Variants in RAD51D observed in about 807,000 individuals in gnomAD.
RAD51D encodes DNA repair protein RAD51 homolog 4.
A neutral mutation model predicts 44.1 loss-of-function variants in RAD51D; 38 were observed. That is an observed-to-expected ratio of 0.86 (90% confidence interval 0.67 to 1.13). The LOEUF (loss-of-function observed/expected upper bound fraction) is 1.13, where lower values mean the gene tolerates loss of function less well. Ranked by LOEUF, RAD51D falls within the 50% of genes most tolerant of loss-of-function variation. The pLI is 0.00. For synonymous variants in RAD51D, 141 were observed against 166.6 expected (o/e 0.85, Z 1.18); for missense variants, 390 against 414.0 (o/e 0.94, Z 0.50).
At position 35,099,501 on chromosome 17, in the gene RAD51D, T is replaced by A. The variant is rs1338149873; in HGVS notation, c.*1452A>T. Reference sequence around the variant, plus strand: ...ACCCATGGTATAAAGATACTGAAGATTAATTTCTCCTGAGGTCTTCTGTGA... The same window carrying A: ...ACCCATGGTATAAAGATACTGAAGAATAATTTCTCCTGAGGTCTTCTGTGA... On this transcript the variant is annotated 3_prime_UTR_variant, in exon 10 of 10. Coordinates refer to ENST00000345365, the MANE Select transcript of RAD51D (RefSeq NM_002878.4). 1 of 251,334 alleles carries A rather than the reference T, an allele frequency of 4.0e-6. No individual in the cohort carries two copies. Among genetic ancestry groups the A allele is most frequent in the East Asian group, 9.1e-5 (1 of 10,978 alleles). The allele number at this position is 251,334 out of a possible 1,614,324, so 15.6% of individuals were successfully genotyped here.
At position 35,100,810 on chromosome 17, in the gene RAD51D, A is replaced by G; in HGVS notation, c.*143T>C. 1.3e-6 allele frequency: 1 copy of G among 749,336 alleles called. No homozygotes were observed. The highest frequency in any genetic ancestry group is 2.4e-6 in the Non-Finnish European group (1 of 417,288). The allele number at this position is 749,336 out of a possible 1,614,324, so 46.4% of individuals were successfully genotyped here. Reference sequence around the variant, plus strand: ...TTATATGCTTACAGAGAGTGAGGCCAAGGAACCCAAGATGTCTCTTCTGGC... The same window carrying G: ...TTATATGCTTACAGAGAGTGAGGCCGAGGAACCCAAGATGTCTCTTCTGGC... On this transcript the variant is annotated 3_prime_UTR_variant, in exon 10 of 10. Transcript: ENST00000345365.
intron 3 of RAD51D, among the ~76,000 whole-genome samples, chr17:35,114,029 T>C (rs1409714531): frequency 6.6e-6 from 1 of 152,014 alleles, no homozygotes; most frequent in Admixed American, 6.6e-5. Context: ...TCCTAGCACT[T>C]TGGGAGGCCG....
intron 3 of RAD51D, among the ~76,000 whole-genome samples, chr17:35,109,838 T>C (rs1038627789): frequency 6.6e-6 from 1 of 152,174 alleles, no homozygotes; most frequent in African/African-American, 2.4e-5. Context: ...TGGCTAATTT[T>C]GTATTTTTAG....
Position 35,106,123 on chromosome 17 carries a change from C to T in RAD51D, c.576+263G>A, listed in dbSNP as rs568912083. 79 of 629,466 alleles carry T rather than the reference C, an allele frequency of 1.3e-4. No homozygotes were observed. The Middle Eastern group carries it at 2.9e-3, about 23-fold the overall frequency. The allele number at this position is 629,466 out of a possible 1,614,324, so 39.0% of individuals were successfully genotyped here. A position where few individuals can be genotyped will look rare whatever the true frequency, so the allele number is the denominator to read the frequency against. ...TACTTGCAGCTAAAAGTATTCCTCA[C>T]TCACCTAGTGGGGAATGCAGACATA... On this transcript the variant is annotated intron_variant, in intron 6 of 9. Coordinates refer to ENST00000345365, the MANE Select transcript of RAD51D (RefSeq NM_002878.4).
chr17:35,107,309 G>A lies in RAD51D; in HGVS notation c.345+57C>T, dbSNP rs2091618910. The stretch of plus-strand genomic sequence containing the variant: ...GCTGAAGCTCCCCCAGGGACCCTGG[G>A]CTATGCATCTACCACCCTCACCCCT... On this transcript the variant is annotated intron_variant, in intron 4 of 9. Coordinates refer to ENST00000345365, the MANE Select transcript of RAD51D (RefSeq NM_002878.4). 6 of 1,493,356 alleles carry A rather than the reference G, an allele frequency of 4.0e-6. No individual in the cohort carries two copies. In the South Asian group the frequency reaches 5.6e-5, roughly 14 times the overall value. 92.5% of individuals were successfully genotyped at this position (1,493,356 alleles called of 1,614,324 possible). A position where few individuals can be genotyped will look rare whatever the true frequency, so the allele number is the denominator to read the frequency against.
chr17:35,108,496 T>TAAA lies in RAD51D; in HGVS notation c.264-1050_264-1049insTTT, dbSNP rs1567729412. 2.2e-4 allele frequency among the ~76,000 whole-genome samples: 27 copies of TAAA among 125,522 alleles called. No individual in the cohort carries two copies. In the South Asian group the frequency reaches 5.2e-3, roughly 24 times the overall value. 82.3% of individuals were successfully genotyped at this position (125,522 alleles called of 152,430 possible). ...GCAACATAGCAAGACCCTTTTCTCT[T>TAAA]TAAAAAAAAAAAAAAAAAAAAAAAA... On this transcript the variant is annotated intron_variant, in intron 3 of 9. Coordinates refer to ENST00000345365, the MANE Select transcript of RAD51D (RefSeq NM_002878.4).
Position 35,100,814 on chromosome 17 carries a change from A to T in RAD51D, c.*139T>A. 1 of 757,576 alleles carries T rather than the reference A, an allele frequency of 1.3e-6. No individual in the cohort carries two copies. The highest frequency in any genetic ancestry group is 2.4e-6 in the Non-Finnish European group (1 of 422,888). The allele number at this position is 757,576 out of a possible 1,614,324, so 46.9% of individuals were successfully genotyped here. On this transcript the variant is annotated 3_prime_UTR_variant, in exon 10 of 10. Transcript: ENST00000345365. ...ATGCTTACAGAGAGTGAGGCCAAGG[A>T]ACCCAAGATGTCTCTTCTGGCCAGC...
At chr17:35,108,926 G>A (rs2091643465) in intron 3 of RAD51D, among the ~76,000 whole-genome samples, 1 of 148,048 alleles carries the variant, frequency 6.8e-6, no homozygotes, top group African/African-American at 2.5e-5. Flanking sequence ...GAGTGCAGTG[G>A]TGCAATCTCA....
chr17:35,108,505 A>AAAG (rs2091637738), intron 3 of RAD51D, among the ~76,000 whole-genome samples: 1 of 149,518 alleles, frequency 6.7e-6, no homozygotes, highest in African/African-American at 2.4e-5. Context: ...TTTAAAAAAA[A>AAAG]AAAAAAAAAA....
rs758124349 is a variant in RAD51D, at chr17:35,119,607, C to T, written c.7G>A (p.Val3Met). 15 of 1,611,316 alleles carry T rather than the reference C, an allele frequency of 9.3e-6. No individual in the cohort carries two copies. The South Asian group carries it at 1.3e-4, about 14-fold the overall frequency. Reference sequence around the variant, plus strand: ...CCAGGGCACAGTCCGACCCTGAGCACGCCCATGTTCCCCGCAGGCCGGAAC... The same window carrying T: ...CCAGGGCACAGTCCGACCCTGAGCATGCCCATGTTCCCCGCAGGCCGGAAC... MG[V>M]LRVGLCPGLT... The change falls in exon 1 of 10, where the codon GTG becomes ATG. Residue 3 changes from valine (V) to methionine (M), a missense_variant. By Grantham distance (21) the Val-to-Met change is conservative. Coordinates refer to ENST00000345365, the MANE Select transcript of RAD51D (RefSeq NM_002878.4).
In RAD51D at chr17:35,098,892, G is replaced by A. The variant is rs1271000321; in HGVS notation, c.*2061C>T. ...AGGGTCTTGCTCTGTTACCCAGGCT[G>A]GGGTGTAGTGGTGCGATCAGGGCTC... On this transcript the variant is annotated 3_prime_UTR_variant, in exon 10 of 10. Coordinates refer to ENST00000345365, the MANE Select transcript of RAD51D (RefSeq NM_002878.4). The A allele has an allele frequency of 6.6e-6, 1 of 152,126 alleles. No individual in the cohort carries two copies. Among genetic ancestry groups the A allele is most frequent in the Non-Finnish European group, 1.5e-5 (1 of 68,112 alleles). The allele number at this position is 152,126 out of a possible 1,614,324, so 9.4% of individuals were successfully genotyped here.
intron 2 of RAD51D, 107 bp from the exon 3 acceptor site, chr17:35,118,726 T>G (rs1261946042): frequency 4.6e-6 from 4 of 864,580 alleles, no homozygotes; most frequent in Non-Finnish European, 7.8e-6. Flanking sequence ...CTGCTCCCTT[T>G]GGCTTGGGAT....
chr17:35,096,259 TCCTGG>T lies in RAD51D; in HGVS notation c.*4689_*4693del, dbSNP rs1294074430. The stretch of plus-strand genomic sequence containing the variant: ...TATGTTGCCCAGGCTGGTCTGGAAC[TCCTGG>T]CCTCAGGCGATCCTCCTACTTTGGC... On this transcript the variant is annotated 3_prime_UTR_variant, in exon 10 of 10. Transcript: ENST00000345365. 6 of 152,322 alleles carry T rather than the reference TCCTGG, an allele frequency of 3.9e-5. No homozygotes were observed. 9.4% of individuals were successfully genotyped at this position (152,322 alleles called of 1,614,324 possible).
rs1052952631 is a variant in RAD51D at position 35,093,712 on chromosome 17, T to A, written c.*7241A>T. The A allele has an allele frequency of 5.9e-5, 9 of 152,254 alleles. No individual in the cohort carries two copies. The highest frequency in any genetic ancestry group is 1.0e-4 in the Non-Finnish European group (7 of 68,046). The allele number at this position is 152,254 out of a possible 1,614,324, so 9.4% of individuals were successfully genotyped here. A position where few individuals can be genotyped will look rare whatever the true frequency, so the allele number is the denominator to read the frequency against. On this transcript the variant is annotated 3_prime_UTR_variant, in exon 10 of 10. Coordinates refer to ENST00000345365, the MANE Select transcript of RAD51D (RefSeq NM_002878.4). Reference sequence around the variant, plus strand: ...GTTAGGAACAAGACAAGGATGATTGTTATTGTTGCTTCTATTCTGTGTAGT... The same window carrying A: ...GTTAGGAACAAGACAAGGATGATTGATATTGTTGCTTCTATTCTGTGTAGT...
At chr17:35,115,211 C>T (rs146921311) in intron 3 of RAD51D, 1 of 504,446 alleles carries the variant, frequency 2.0e-6, no homozygotes, top group African/African-American at 1.9e-5. Flanking sequence ...GACTTATCCT[C>T]TGCCTTTCCC....
In RAD51D at chr17:35,093,321, A is replaced by G. The variant is rs116418482; in HGVS notation, c.*7632T>C. 1.1e-3 allele frequency: 160 copies of G among 152,362 alleles called. 1 individual carries two copies. Among genetic ancestry groups the G allele is most frequent in the African/African-American group, 3.7e-3 (154 of 41,594 alleles). The allele number at this position is 152,362 out of a possible 1,614,324, so 9.4% of individuals were successfully genotyped here. On this transcript the variant is annotated 3_prime_UTR_variant, in exon 10 of 10. Transcript: ENST00000345365. ...GCAAGTAAATGTCAAAGCTAGGACC[A>G]AGTTAGTTGAGATATAAAAAATCCT... is the stretch of plus-strand genomic sequence containing the variant.
In RAD51D at chr17:35,095,797, AAAG is replaced by A. The variant is rs1339176724; in HGVS notation, c.*5153_*5155del. 2 of 152,236 alleles carry A rather than the reference AAAG, an allele frequency of 1.3e-5. No individual in the cohort carries two copies. The highest frequency in any genetic ancestry group is 4.8e-5 in the African/African-American group (2 of 41,432). The allele number at this position is 152,236 out of a possible 1,614,324, so 9.4% of individuals were successfully genotyped here. On this transcript the variant is annotated 3_prime_UTR_variant, in exon 10 of 10. Transcript: ENST00000345365. ...GAGCAAGAGCAAGACTCCATCTCAA[AAAG>A]AAAAAAAAAATTGACCTGAGGAGGC... is the stretch of plus-strand genomic sequence containing the variant.
Position 35,096,067 on chromosome 17 carries a change from C to T in RAD51D, c.*4886G>A, listed in dbSNP as rs2091484336. The T allele has an allele frequency of 6.6e-6, 1 of 152,212 alleles. No homozygotes were observed. The highest frequency in any genetic ancestry group is 1.5e-5 in the Non-Finnish European group (1 of 68,040). The allele number at this position is 152,212 out of a possible 1,614,324, so 9.4% of individuals were successfully genotyped here. On this transcript the variant is annotated 3_prime_UTR_variant, in exon 10 of 10. Transcript: ENST00000345365. ...CCATAAATGCTTTCAGACTATGTTG[C>T]AGCTCTGGAATTCTCTGAACCTGTC...
Position 35,101,319 on chromosome 17 carries a change from G to A in RAD51D, c.785C>T (p.Pro262Leu), listed in dbSNP as rs730881950. ...AAAGCTCCAGGAGCGTCCGAGGGCA[G>A]GTTTGAGCCTCCCGCTGTCCCTGTC... Reference protein sequence around the residue: ...TRDRDSGRLKPALGRSWSFVP... With the variant: ...TRDRDSGRLKLALGRSWSFVP... The change falls in exon 9 of 10, where the codon CCT becomes CTT. Residue 262 changes from proline to leucine, a missense_variant. Pro to Leu is a moderately conservative substitution (Grantham distance 98, BLOSUM62 -3). Transcript: ENST00000345365. The A allele has an allele frequency of 5.6e-6, 9 of 1,614,168 alleles. No homozygotes were observed. The highest frequency in any genetic ancestry group is 7.6e-6 in the Non-Finnish European group (9 of 1,180,038).
Sources: allele counts gnomAD v4.1 joint callset (sites outside exome capture counted in the v4.1 genomes callset), GRCh38; gene constraint gnomAD v4.1.1; transcripts MANE v1.5; gene names NCBI Gene and HGNC (gene_info 2026-07-23, HGNC 2026-07-21).